The following GGACT variants were observed in gnomAD, a reference collection of about 807,000 sequenced individuals.
GGACT encodes gamma-glutamylamine cyclotransferase.
For missense variants in GGACT, 241 were observed against 233.2 expected (o/e 1.03, Z -0.22); for synonymous variants, 118 against 115.3 (o/e 1.02, Z -0.15).
Position 100,550,298 on chromosome 13 carries a change from CTACACA to C in GGACT, c.-10-17703_-10-17698del, listed in dbSNP as rs1423452437. On this transcript the variant is annotated intron_variant, in intron 2 of 2. Coordinates refer to ENST00000683975, the MANE Select transcript of GGACT (RefSeq NM_001195087.2). Reference sequence around the variant, plus strand: ...GAATTAAATCCGAGCCGATTATACTCTACACACACACACACACACACACACACACAC... The same window carrying C: ...GAATTAAATCCGAGCCGATTATACTCCACACACACACACACACACACACAC... Among the ~76,000 whole-genome samples, 67 of 126,136 alleles carry C rather than the reference CTACACA, an allele frequency of 5.3e-4. 1 individual carries two copies. The highest frequency in any genetic ancestry group is 2.0e-3 in the African/African-American group (63 of 32,054). The allele number at this position is 126,136 out of a possible 152,430, so 82.8% of individuals were successfully genotyped here. A position where few individuals can be genotyped will look rare whatever the true frequency, so the allele number is the denominator to read the frequency against.
At chr13:100,543,225 T>TTTTTTTTG (rs2088571281) in intron 2 of GGACT, among the ~76,000 whole-genome samples, 7 of 139,936 alleles carry the variant, frequency 5.0e-5, no homozygotes, top group African/African-American at 2.0e-4. Flanking sequence ...TTTTTTTTTT[T>TTTTTTTTG]GAGACGGAGT....
intron 2 of GGACT, 82 bp from the exon 3 acceptor site, chr13:100,532,683 A>G: frequency 8.8e-7 from 1 of 1,130,172 alleles, no homozygotes; most frequent in Non-Finnish European, 1.3e-6. Flanking sequence ...CGGCCCACAG[A>G]GCCTCCACTG....
intron 2 of GGACT, among the ~76,000 whole-genome samples, chr13:100,569,774 C>T (rs141886185): frequency 0.041 from 6,196 of 152,312 alleles, 182 homozygotes; most frequent in Middle Eastern, 0.068. Context: ...TGGTCTGCTT[C>T]CTCTTGAATG....
chr13:100,562,022 GA>G (rs1430321998), intron 2 of GGACT, among the ~76,000 whole-genome samples: 1 of 152,210 alleles, frequency 6.6e-6, no homozygotes, highest in African/African-American at 2.4e-5. Context: ...CAGTGGGTTC[GA>G]AAGGACCAGA....
intron 2 of GGACT, among the ~76,000 whole-genome samples, chr13:100,572,296 C>T (rs969388937): frequency 1.3e-5 from 2 of 152,140 alleles, no homozygotes; most frequent in South Asian, 2.1e-4. Flanking sequence ...AGCCAGTCCA[C>T]AAAAAGACAA....
intron 2 of GGACT, among the ~76,000 whole-genome samples, chr13:100,567,604 C>T (rs1289334333): frequency 6.6e-6 from 1 of 152,210 alleles, no homozygotes; most frequent in Admixed American, 6.5e-5. Flanking sequence ...TGCATCTGTC[C>T]ACAACCCCTG....
chr13:100,565,066 G>C (rs537250782), intron 2 of GGACT, among the ~76,000 whole-genome samples: 19 of 152,338 alleles, frequency 1.2e-4, no homozygotes, highest in African/African-American at 4.1e-4. Context: ...TATTTCACAG[G>C]GGATGGCCGC....
At position 100,545,067 on chromosome 13, in the gene GGACT, G is replaced by A. The variant is rs552147557; in HGVS notation, c.-10-12466C>T. On this transcript the variant is annotated intron_variant, in intron 2 of 2. Coordinates refer to ENST00000683975, the MANE Select transcript of GGACT (RefSeq NM_001195087.2). The surrounding 1 kb of genome is among the most constrained non-coding windows in gnomAD (Gnocchi z 4.4). ...AGCCAGGAACACATGCTGGGCAGGCGGCCAGCGGCCCAACACTGGAGATGC... is the reference window on the plus strand; with the variant it reads ...AGCCAGGAACACATGCTGGGCAGGCAGCCAGCGGCCCAACACTGGAGATGC... Among the ~76,000 whole-genome samples the A allele has an allele frequency of 5.3e-5, 8 of 152,328 alleles. No individual in the cohort carries two copies. Among genetic ancestry groups the A allele is most frequent in the South Asian group, 2.1e-4 (1 of 4,826 alleles).
chr13:100,536,156 TG>T (rs2088488967), intron 2 of GGACT: 1 of 152,252 alleles, frequency 6.6e-6, no homozygotes, highest in African/African-American at 2.4e-5. Flanking sequence ...CCAGGTCCCC[TG>T]TGTGTGTGAC....
chr13:100,578,124 G>C (rs1388843167), intron 2 of GGACT, among the ~76,000 whole-genome samples: 1 of 152,036 alleles, frequency 6.6e-6, no homozygotes, highest in South Asian at 2.1e-4. Flanking sequence ...CTGGCATCTG[G>C]GCGTCCACAG....
chr13:100,535,344 C>G (rs1178073205), intron 2 of GGACT, among the ~76,000 whole-genome samples: 1 of 152,244 alleles, frequency 6.6e-6, no homozygotes, highest in East Asian at 1.9e-4. Flanking sequence ...GTTACTTACG[C>G]TGCTACTTCT....
chr13:100,556,296 T>C (rs1349299571), intron 2 of GGACT, among the ~76,000 whole-genome samples: 2 of 152,218 alleles, frequency 1.3e-5, no homozygotes, highest in African/African-American at 2.4e-5. Context: ...AAGGCCAATA[T>C]ACAAAAATCA....
intron 2 of GGACT, among the ~76,000 whole-genome samples, chr13:100,562,874 T>C (rs2088777788): frequency 6.7e-6 from 1 of 148,374 alleles, no homozygotes; most frequent in African/African-American, 2.5e-5. Context: ...GACTCCAGAG[T>C]TCAAACTCCT....
intron 2 of GGACT, among the ~76,000 whole-genome samples, chr13:100,543,989 G>T (rs932416194): frequency 6.6e-6 from 1 of 152,188 alleles, no homozygotes; most frequent in African/African-American, 2.4e-5. Flanking sequence ...TGCTGCTCTA[G>T]TCCTTCTGTG....
At chr13:100,573,545 G>T (rs1374858094) in intron 2 of GGACT, among the ~76,000 whole-genome samples, 1 of 152,068 alleles carries the variant, frequency 6.6e-6, no homozygotes, top group Non-Finnish European at 1.5e-5. Context: ...GAGAGATGGG[G>T]TCTCAGTATG....
intron 2 of GGACT, among the ~76,000 whole-genome samples, chr13:100,553,764 C>T (rs574231804): frequency 6.6e-6 from 1 of 150,980 alleles, no homozygotes; most frequent in South Asian, 2.1e-4. Context: ...GAATCGCTTG[C>T]ACCAGTGAAG....
rs2088594082 is a variant in GGACT at position 100,545,204 on chromosome 13, C to T, written c.-10-12603G>A. ...GATCAACGCCACCCCCAAGGGAGAGCCCTGACTCCATGCCCACCCCATGCC... is the reference window on the plus strand; with the variant it reads ...GATCAACGCCACCCCCAAGGGAGAGTCCTGACTCCATGCCCACCCCATGCC... On this transcript the variant is annotated intron_variant, in intron 2 of 2. Coordinates refer to ENST00000683975, the MANE Select transcript of GGACT (RefSeq NM_001195087.2). The surrounding 1 kb of genome is among the most constrained non-coding windows in gnomAD (Gnocchi z 4.4). Among the ~76,000 whole-genome samples, 1 of 152,258 alleles carries T rather than the reference C, an allele frequency of 6.6e-6. No homozygotes were observed. The highest frequency in any genetic ancestry group is 1.5e-5 in the Non-Finnish European group (1 of 68,044).
chr13:100,586,586 T>A (rs1456299518), intron 1 of GGACT: 1 of 151,510 alleles, frequency 6.6e-6, no homozygotes. Context: ...TTGCTCATGG[T>A]GTTGGCCACC....
chr13:100,535,460 C>G (rs2088477972), intron 2 of GGACT, among the ~76,000 whole-genome samples: 1 of 152,236 alleles, frequency 6.6e-6, no homozygotes, highest in Non-Finnish European at 1.5e-5. Context: ...CATATAACCT[C>G]TCTGTGCCTC....
Sources: gnomAD v4.1 joint callset for allele counts (sites outside exome capture counted in the v4.1 genomes callset) on GRCh38, gnomAD v4.1.1 for gene constraint, Gnocchi (gnomAD v3.1) non-coding constraint, MANE v1.5 for transcripts, NCBI Gene and HGNC (gene_info 2026-07-23, HGNC 2026-07-21) for gene names.